Variants in ERC1 observed in about 807,000 individuals in gnomAD.
The protein encoded by ERC1 is RAB6 interacting protein 2.
ERC1 carries 56 observed loss-of-function variants against 132.0 expected under a neutral mutation model. The observed-to-expected ratio is 0.42, with a 90% CI of 0.34 to 0.53. ERC1 has a LOEUF of 0.53. Among genes scored for constraint, ERC1 ranks in the 20% least tolerant of loss-of-function variants. ERC1 has a pLI of 0.03. For synonymous variants in ERC1, 478 were observed against 476.1 expected (o/e 1.00, Z -0.05); for missense variants, 1,202 against 1,349.9 (o/e 0.89, Z 1.72).
intron 16 of ERC1, among the ~76,000 whole-genome samples, chr12:1,407,115 C>T (rs74724015): frequency 0.025 from 3,875 of 152,202 alleles, 66 homozygotes; most frequent in Middle Eastern, 0.058. Flanking sequence ...AAATTAACCA[C>T]TCACACAGAA....
intron 12 of ERC1, among the ~76,000 whole-genome samples, chr12:1,211,001 G>A (rs892501391): frequency 1.3e-5 from 2 of 150,448 alleles, no homozygotes; most frequent in Admixed American, 6.6e-5. Flanking sequence ...AAAAAAAAAT[G>A]TAGCTAGCTG....
intron 1 of ERC1, among the ~76,000 whole-genome samples, chr12:1,001,354 G>A (rs893600152): frequency 1.3e-5 from 2 of 152,308 alleles, no homozygotes; most frequent in Non-Finnish European, 2.9e-5. Flanking sequence ...CACTGTGTCC[G>A]GCCTTGAAGC....
At chr12:1,042,415 G>T (rs1273234985) in intron 2 of ERC1, among the ~76,000 whole-genome samples, 1 of 133,508 alleles carries the variant, frequency 7.5e-6, no homozygotes, top group Non-Finnish European at 1.5e-5. Flanking sequence ...ACACGATCTT[G>T]GCTCACTGTA....
chr12:1,370,695 A>G (rs1490276531), intron 15 of ERC1, among the ~76,000 whole-genome samples: 1 of 151,840 alleles, frequency 6.6e-6, no homozygotes, highest in African/African-American at 2.4e-5. Flanking sequence ...GTTCTTACTA[A>G]TATAGTTTTT....
At chr12:1,478,163 A>T (rs1196485685) in intron 18 of ERC1, among the ~76,000 whole-genome samples, 1 of 152,100 alleles carries the variant, frequency 6.6e-6, no homozygotes, top group Non-Finnish European at 1.5e-5. Context: ...TTACACTCCC[A>T]CCGGGAGTGT....
intron 13 of ERC1, among the ~76,000 whole-genome samples, chr12:1,251,219 A>G (rs117034146): frequency 0.03 from 4,503 of 152,132 alleles, 106 homozygotes; most frequent in East Asian, 0.074. Flanking sequence ...TAAGATTGAC[A>G]TCTTTTTAGG....
intron 13 of ERC1, among the ~76,000 whole-genome samples, chr12:1,261,844 C>T (rs1343136729): frequency 2.0e-5 from 3 of 152,036 alleles, no homozygotes; most frequent in Non-Finnish European, 4.4e-5. Context: ...GAATTTTTTT[C>T]TAAATCTCAT....
Position 1,290,002 on chromosome 12 carries a change from C to G in ERC1, c.2770C>G (p.Leu924Val). The G allele has an allele frequency of 6.2e-7, 1 of 1,613,786 alleles. No individual in the cohort carries two copies. Among genetic ancestry groups the G allele is most frequent in the Non-Finnish European group, 8.5e-7 (1 of 1,179,718 alleles). ...GAGAAGGAAACACTTAGAGGAAGTT[C>G]TGGAGATGAAGTAAGTGTTTGTAGT... ...AERRKHLEEV[L>V]EMKQEALLAA... The change falls in exon 15 of 19, where the codon CTG becomes GTG. Residue 924 changes from leucine (L) to valine (V), a missense_variant. Physicochemically the swap from Leu to Val is conservative, Grantham distance 32. Coordinates refer to ENST00000360905, the MANE Select transcript of ERC1 (RefSeq NM_178040.4).
intron 17 of ERC1, among the ~76,000 whole-genome samples, chr12:1,440,462 TC>T (rs1222442493): frequency 6.7e-6 from 1 of 150,248 alleles, no homozygotes; most frequent in Non-Finnish European, 1.5e-5. Context: ...CTCCTTGGCC[TC>T]CCAAAGTGCT....
intron 16 of ERC1, among the ~76,000 whole-genome samples, chr12:1,396,847 G>T (rs1028154266): frequency 6.6e-6 from 1 of 152,206 alleles, no homozygotes; most frequent in African/African-American, 2.4e-5. Flanking sequence ...CTCTGCTGAA[G>T]ATGGGTCCAT....
chr12:1,385,251 C>T (rs2089183193), intron 16 of ERC1, among the ~76,000 whole-genome samples: 1 of 152,110 alleles, frequency 6.6e-6, no homozygotes, highest in South Asian at 2.1e-4. Context: ...TTTTCTTTTC[C>T]TAACAAGTTT....
chr12:1,402,069 G>A (rs2091115204), intron 16 of ERC1, among the ~76,000 whole-genome samples: 1 of 151,950 alleles, frequency 6.6e-6, no homozygotes, highest in Admixed American at 6.6e-5. Context: ...TTAAAAAACT[G>A]GAAATTACAG....
intron 17 of ERC1, among the ~76,000 whole-genome samples, chr12:1,424,855 TAGATAGATCGATA>T (rs1565411406): frequency 2.8e-4 from 35 of 124,650 alleles, no homozygotes; most frequent in African/African-American, 8.9e-4. Context: ...GATAGATAGA[TAGATAGATCGATA>T]GATAGATAGA....
chr12:1,419,901 T>C (rs1288765301), intron 17 of ERC1, among the ~76,000 whole-genome samples: 1 of 151,148 alleles, frequency 6.6e-6, no homozygotes, highest in Non-Finnish European at 1.5e-5. Flanking sequence ...AAACATGCAC[T>C]GAATATTATT....
At chr12:1,127,291 C>T (rs1948293287) in intron 7 of ERC1, among the ~76,000 whole-genome samples, 1 of 152,042 alleles carries the variant, frequency 6.6e-6, no homozygotes, top group African/African-American at 2.4e-5. Context: ...GGTATATTTC[C>T]CAGAAAAACT....
chr12:1,049,516 C>T lies in ERC1; in HGVS notation c.669+20944C>T, dbSNP rs573333334. Among the ~76,000 whole-genome samples, 7 of 152,226 alleles carry T rather than the reference C, an allele frequency of 4.6e-5. No individual in the cohort carries two copies. In the East Asian group the frequency reaches 1.4e-3, roughly 29 times the overall value. On this transcript the variant is annotated intron_variant, in intron 2 of 18. Transcript: ENST00000360905. ...GGAGATTTAAAAAATCTCCCCAGGT[C>T]ATTCTAATGTGAAGTCAAGGTTGGT... is the stretch of plus-strand genomic sequence containing the variant.
At chr12:1,125,142 A>G (rs61374359) in intron 7 of ERC1, among the ~76,000 whole-genome samples, 1 of 151,828 alleles carries the variant, frequency 6.6e-6, no homozygotes, top group African/African-American at 2.4e-5. Context: ...CTACAGGTGC[A>G]TGCCACCACG....
At chr12:1,155,553 G>C (rs565948704) in intron 8 of ERC1, among the ~76,000 whole-genome samples, 1 of 151,620 alleles carries the variant, frequency 6.6e-6, no homozygotes, top group Non-Finnish European at 1.5e-5. Context: ...TCGGCTCACT[G>C]CAAGCTCCAC....
chr12:1,249,456 AATC>A (rs1451604511), intron 13 of ERC1, among the ~76,000 whole-genome samples: 5 of 152,320 alleles, frequency 3.3e-5, no homozygotes, highest in Admixed American at 1.3e-4. Context: ...AGTTGGAATT[AATC>A]ATACCTTCTG....
Sources: gnomAD v4.1 joint callset for allele counts (sites outside exome capture counted in the v4.1 genomes callset) on GRCh38, gnomAD v4.1.1 for gene constraint, MANE v1.5 for transcripts, NCBI Gene and HGNC (gene_info 2026-07-23, HGNC 2026-07-21) for gene names.